VWA3A: variants seen among roughly 807,000 people sequenced by gnomAD.
VWA3A encodes the protein von Willebrand factor A domain containing 3A.
In VWA3A, 134 loss-of-function variants were observed where a neutral mutation model predicts 160.4. The ratio of observed to expected loss-of-function variants is 0.84; its 90% CI spans 0.73 to 0.96. VWA3A has a LOEUF of 0.96. VWA3A is among the 40% of genes least tolerant of loss of function. VWA3A has a pLI of 0.00. For synonymous variants in VWA3A, 476 were observed against 543.4 expected (o/e 0.88, Z 1.72); for missense variants, 1,310 against 1,447.9 (o/e 0.90, Z 1.55).
chr16:22,139,931 A>G (rs954512338), intron 22 of VWA3A, among the ~76,000 whole-genome samples: 2 of 152,056 alleles, frequency 1.3e-5, no homozygotes, highest in Admixed American at 6.6e-5. Flanking sequence ...ACACACATAC[A>G]TATACACTCC....
intron 6 of VWA3A, among the ~76,000 whole-genome samples, chr16:22,107,623 A>G (rs924309408): frequency 2.6e-5 from 4 of 152,152 alleles, no homozygotes; most frequent in African/African-American, 4.8e-5. Flanking sequence ...GCACACACCT[A>G]TAGTCCCAGC....
chr16:22,134,489 C>A, intron 21 of VWA3A, 51 bp downstream of exon 21: 4 of 1,467,240 alleles, frequency 2.7e-6, no homozygotes, highest in Non-Finnish European at 3.7e-6. Flanking sequence ...TATTCATTTC[C>A]TGGGGCTACC....
intron 30 of VWA3A, among the ~76,000 whole-genome samples, chr16:22,151,917 A>T (rs1040509269): frequency 6.6e-6 from 1 of 152,130 alleles, no homozygotes; most frequent in African/African-American, 2.4e-5. Context: ...CCATAAATAA[A>T]TGGGGGCTAG....
At chr16:22,155,442 G>T in intron 31 of VWA3A, 125 bp from the exon 32 acceptor site, 1 of 796,264 alleles carries the variant, frequency 1.3e-6, no homozygotes, top group Non-Finnish European at 2.1e-6. Flanking sequence ...ACAAGCAGAG[G>T]CTCACAAGAT....
intron 16 of VWA3A, among the ~76,000 whole-genome samples, chr16:22,125,214 C>CA (rs1182938603): frequency 0.015 from 1,310 of 85,982 alleles, 11 homozygotes; most frequent in Non-Finnish European, 0.015. Context: ...CTGGTCTCTA[C>CA]AAAAAAAAAA....
chr16:22,151,933 G>A (rs1277569608), intron 30 of VWA3A, among the ~76,000 whole-genome samples: 1 of 152,172 alleles, frequency 6.6e-6, no homozygotes, highest in Non-Finnish European at 1.5e-5. Context: ...GCTAGGCTGA[G>A]CACGACGGCT....
intron 8 of VWA3A, among the ~76,000 whole-genome samples, chr16:22,113,664 T>A (rs937081619): frequency 1.3e-5 from 2 of 152,100 alleles, no homozygotes; most frequent in Non-Finnish European, 2.9e-5. Context: ...AGTGGTACAA[T>A]CATAGCTTAC....
intron 11 of VWA3A, 41 bp from the exon 12 acceptor site, chr16:22,118,861 T>G (rs764784684): frequency 6.2e-7 from 1 of 1,611,772 alleles, no homozygotes; most frequent in Non-Finnish European, 8.5e-7. Flanking sequence ...CTGCAGGTAG[T>G]CAAGTGATTC....
At chr16:22,107,575 C>G (rs750940087) in intron 6 of VWA3A, among the ~76,000 whole-genome samples, 1 of 151,900 alleles carries the variant, frequency 6.6e-6, no homozygotes, top group Non-Finnish European at 1.5e-5. Context: ...GACCCTATCT[C>G]TACAAAAAAT....
chr16:22,142,828 A>G (rs1047861523), intron 25 of VWA3A, 63 bp downstream of exon 25: 1 of 1,259,494 alleles, frequency 7.9e-7, no homozygotes, highest in South Asian at 1.3e-5. Flanking sequence ...TCCACCAACC[A>G]TTACTTCTAG....
chr16:22,109,619 C>T, intron 7 of VWA3A, 39 bp downstream of exon 7: 2 of 1,557,380 alleles, frequency 1.3e-6, no homozygotes, highest in South Asian at 2.2e-5. Flanking sequence ...TGGAACCACC[C>T]ACTACCCCCA....
intron 16 of VWA3A, among the ~76,000 whole-genome samples, chr16:22,125,525 G>GC (rs761389044): frequency 6.6e-5 from 10 of 152,034 alleles, no homozygotes; most frequent in Non-Finnish European, 1.0e-4. Context: ...CCGGGTTCAT[G>GC]CCATTCTCCT....
chr16:22,114,574 A>G (rs2045603885), intron 8 of VWA3A, among the ~76,000 whole-genome samples: 1 of 152,134 alleles, frequency 6.6e-6, no homozygotes, highest in East Asian at 1.9e-4. Flanking sequence ...GCAAGTCCTA[A>G]CTCAGTTTCC....
At chr16:22,125,382 T>G (rs2045827608) in intron 16 of VWA3A, among the ~76,000 whole-genome samples, 1 of 150,370 alleles carries the variant, frequency 6.7e-6, no homozygotes, top group Non-Finnish European at 1.5e-5. Context: ...AGAGACCGTC[T>G]AAATATATAT....
intron 12 of VWA3A, among the ~76,000 whole-genome samples, chr16:22,119,395 C>T (rs1194897329): frequency 6.6e-6 from 1 of 152,196 alleles, no homozygotes; most frequent in Non-Finnish European, 1.5e-5. Flanking sequence ...ATTCTCACCT[C>T]AGCCATGGCT....
rs117929149 is a variant in VWA3A at position 22,148,371 on chromosome 16, C to T, written c.2984+65C>T. 8.2e-3 allele frequency: 12,471 copies of T among 1,520,148 alleles called. 74 individuals are homozygous for T. Among genetic ancestry groups the T allele is most frequent in the Non-Finnish European group, 1.0e-2 (11,307 of 1,131,998 alleles). 94.2% of individuals were successfully genotyped at this position (1,520,148 alleles called of 1,614,324 possible). ...TTCCTGGGGCTTCCCTGGCCAAGCA[C>T]GCCCCCTCTTCTCAGTGCCAACAGG... On this transcript the variant is annotated intron_variant, in intron 28 of 33. Transcript: ENST00000389398.
intron 26 of VWA3A, among the ~76,000 whole-genome samples, chr16:22,145,934 C>T (rs899493697): frequency 6.6e-6 from 1 of 152,066 alleles, no homozygotes; most frequent in Non-Finnish European, 1.5e-5. Flanking sequence ...AATCCTCCCA[C>T]CTCAGCCTCC....
intron 17 of VWA3A, among the ~76,000 whole-genome samples, chr16:22,126,659 A>T (rs970642921): frequency 3.3e-5 from 5 of 152,154 alleles, no homozygotes; most frequent in African/African-American, 1.2e-4. Context: ...GTCTCCAGCA[A>T]GCCATACCTT....
intron 31 of VWA3A, among the ~76,000 whole-genome samples, chr16:22,152,926 G>A (rs1388106067): frequency 6.6e-6 from 1 of 152,202 alleles, no homozygotes; most frequent in East Asian, 1.9e-4. Flanking sequence ...CAGGATTTGA[G>A]GGTGTTATAT....
Sources: allele counts gnomAD v4.1 joint callset (sites outside exome capture counted in the v4.1 genomes callset), GRCh38; gene constraint gnomAD v4.1.1; transcripts MANE v1.5; gene names NCBI Gene and HGNC (gene_info 2026-07-23, HGNC 2026-07-21).